The following CHD4 variants were observed in gnomAD, a reference collection of about 807,000 sequenced individuals.
CHD4 encodes the protein ATP-dependent chromatin remodeler CHD4.
In CHD4, 35 loss-of-function variants were observed where a neutral mutation model predicts 235.5. The ratio of observed to expected loss-of-function variants is 0.15; its 90% CI spans 0.11 to 0.20. CHD4 has a LOEUF of 0.20. CHD4 is among the 10% of genes least tolerant of loss of function. CHD4 has a pLI of 1.00. For synonymous variants in CHD4, 900 were observed against 850.2 expected (o/e 1.06, Z -1.02); for missense variants, 1,329 against 2,432.3 (o/e 0.55, Z 9.54).
chr12:6,606,653 C>G (rs997614700), intron 1 of CHD4: 1 of 333,592 alleles, frequency 3.0e-6, no homozygotes, highest in East Asian at 5.5e-5. Context: ...AGCGAGGGAG[C>G]GACGCCTCCG....
intron 3 of CHD4, 50 bp downstream of exon 3, chr12:6,602,326 G>C: frequency 6.2e-7 from 1 of 1,610,314 alleles, no homozygotes; most frequent in Non-Finnish European, 8.5e-7. Context: ...CCTTCTCAGA[G>C]CTCCTCCCTT....
intron 37 of CHD4, 97 bp from the exon 38 acceptor site, chr12:6,573,366 T>C (rs1948012780): frequency 1.9e-6 from 2 of 1,030,266 alleles, no homozygotes; most frequent in South Asian, 2.1e-5. Context: ...TTTCAGATGG[T>C]AATAAGAACC....
intron 19 of CHD4, 126 bp downstream of exon 19, chr12:6,592,267 A>G (rs1223375914): frequency 7.6e-7 from 1 of 1,316,698 alleles, no homozygotes; most frequent in Non-Finnish European, 1.0e-6. Context: ...CCCTAGCATC[A>G]GGTTTCTTCA....
intron 14 of CHD4, 84 bp from the exon 15 acceptor site, chr12:6,594,734 C>G: frequency 8.1e-7 from 1 of 1,237,462 alleles, no homozygotes; most frequent in Admixed American, 2.3e-5. Context: ...CCTCACTAGT[C>G]TTCACGGATC....
chr12:6,572,401 G>C (rs917099252), intron 38 of CHD4, among the ~76,000 whole-genome samples: 9 of 150,880 alleles, frequency 6.0e-5, no homozygotes, highest in Non-Finnish European at 1.2e-4. Context: ...ACTCCAGCCT[G>C]GGCAACAGAG....
chr12:6,600,750 C>A, intron 7 of CHD4, 81 bp from the exon 8 acceptor site: 1 of 1,550,092 alleles, frequency 6.5e-7, no homozygotes, highest in Non-Finnish European at 8.8e-7. Context: ...TACTCTCTCA[C>A]TGGGGACACC....
At chr12:6,591,324 T>C (rs915642264) in intron 22 of CHD4, 142 bp downstream of exon 22, 6 of 658,414 alleles carry the variant, frequency 9.1e-6, no homozygotes, top group South Asian at 1.9e-5. Context: ...ATTCGTCCAA[T>C]TGAGACATTC....
chr12:6,601,878 T>C lies in CHD4; in HGVS notation c.438+82A>G, dbSNP rs1948597662. 3.2e-6 allele frequency: 5 copies of C among 1,563,366 alleles called. No individual in the cohort carries two copies. In the South Asian group the frequency reaches 3.3e-5, roughly 10 times the overall value. On this transcript the variant is annotated intron_variant, in intron 4 of 39. Coordinates refer to ENST00000544040, the MANE Select transcript of CHD4 (RefSeq NM_001273.5). ...GAGTTAAGAGGAAAAGAAGAGAAAG[T>C]GTTCTAAAGGGCAGTAAGGTGTCTA...
chr12:6,578,316 TA>T, intron 35 of CHD4, 92 bp downstream of exon 35: 1 of 1,484,970 alleles, frequency 6.7e-7, no homozygotes, highest in South Asian at 1.2e-5. Context: ...CAAACAGAGG[TA>T]AAGAGGTAAA....
chr12:6,576,300 T>C (rs918669354), intron 37 of CHD4, among the ~76,000 whole-genome samples: 20 of 152,008 alleles, frequency 1.3e-4, no homozygotes, highest in East Asian at 1.9e-4. Flanking sequence ...GAGGTTGCAG[T>C]GAGCAGAGAT....
rs57266458 is a variant in CHD4, at chr12:6,580,704, G to GAAAAAAA, written c.4909+333_4909+339dup. On this transcript the variant is annotated intron_variant, in intron 33 of 39. Transcript: ENST00000544040. ...CCTGGGCAACGAGTAAAACTCCTTTGAAAAAAAAAAAAAAAAAAAAAAAGC... is the reference window on the plus strand; with the variant it reads ...CCTGGGCAACGAGTAAAACTCCTTTGAAAAAAAAAAAAAAAAAAAAAAAAAAAAAAGC... The GAAAAAAA allele has an allele frequency of 2.7e-3, 118 of 43,448 alleles. 12 individuals are homozygous for GAAAAAAA. Among genetic ancestry groups the GAAAAAAA allele is most frequent in the African/African-American group, 0.014 (109 of 7,750 alleles). The allele number at this position is 43,448 out of a possible 1,614,324, so 2.7% of individuals were successfully genotyped here. A position where few individuals can be genotyped will look rare whatever the true frequency, so the allele number is the denominator to read the frequency against.
rs546573776 is a variant in CHD4 at position 6,596,181 on chromosome 12, C to G, written c.1893-44G>C. On this transcript the variant is annotated intron_variant, in intron 12 of 39. Transcript: ENST00000544040. ...AAACCCTCAGAGCCAGAAAAGGCAA[C>G]CCTCCTCACTTCCTCTCAAAAACTG... 143 of 1,607,402 alleles carry G rather than the reference C, an allele frequency of 8.9e-5. 2 individuals are homozygous for G. The South Asian group carries it at 1.4e-3, about 16-fold the overall frequency.
rs150404906 is a variant in CHD4, at chr12:6,602,093, C to T, written c.305G>A (p.Arg102His). ...FVEEEEEVAL[R>H]SDSEGSDYTP... is the part of the protein sequence containing the mutation. ...ATAGTCGCTGCCCTCACTGTCTGAGCGCAGAGCCACCTCTTCCTCCTCCTC... is the reference window on the plus strand; with the variant it reads ...ATAGTCGCTGCCCTCACTGTCTGAGTGCAGAGCCACCTCTTCCTCCTCCTC... Residue 102 changes from arginine to histidine, a missense_variant, in exon 4 of 40, where the codon CGC becomes CAC. This residue lies in a region of CHD4 where 213 missense variants were observed against 177.5 expected (regional missense o/e 1.20). Transcript: ENST00000544040. 62 of 1,613,490 alleles carry T rather than the reference C, an allele frequency of 3.8e-5. No individual in the cohort carries two copies. In the African/African-American group the frequency reaches 6.8e-4, roughly 18 times the overall value.
chr12:6,600,061 G>A (rs368992258), intron 9 of CHD4, 49 bp from the exon 10 acceptor site: 53 of 823,764 alleles, frequency 6.4e-5, no homozygotes, highest in Middle Eastern at 5.4e-4. Flanking sequence ...CCCGCCCACC[G>A]CAGTCTGAAG....
At position 6,601,786 on chromosome 12, in the gene CHD4, A is replaced by C; in HGVS notation, c.439-20T>G. The C allele has an allele frequency of 6.2e-7, 1 of 1,606,904 alleles. No homozygotes were observed. The highest frequency in any genetic ancestry group is 8.5e-7 in the Non-Finnish European group (1 of 1,173,566). ...AGGCTCCTGCAGAAAGAGCAAAGTC[A>C]AGTAAGTACCTGCCACCTAGTGCCC... On this transcript the variant is annotated intron_variant, in intron 4 of 39. Coordinates refer to ENST00000544040, the MANE Select transcript of CHD4 (RefSeq NM_001273.5).
chr12:6,602,569 G>GCTTTAGA, intron 2 of CHD4, 72 bp from the exon 3 acceptor site: 2 of 1,562,650 alleles, frequency 1.3e-6, no homozygotes, highest in Non-Finnish European at 1.7e-6. Context: ...TAATCCAGAG[G>GCTTTAGA]CTTTAGACTT....
At position 6,593,520 on chromosome 12, in the gene CHD4, C is replaced by T. The variant is rs1405192813; in HGVS notation, c.2410G>A (p.Val804Ile). 3.1e-6 allele frequency: 5 copies of T among 1,614,126 alleles called. No individual in the cohort carries two copies. The Admixed American group carries it at 5.0e-5, about 16-fold the overall frequency. Residue 804 changes from valine to isoleucine, a missense_variant, in exon 16 of 40, where the codon GTA becomes ATA. Val to Ile is a conservative substitution (Grantham distance 29). This residue lies in a region of CHD4 where 78 missense variants were observed against 174.8 expected (regional missense o/e 0.45). Coordinates refer to ENST00000544040, the MANE Select transcript of CHD4 (RefSeq NM_001273.5). The surrounding 1 kb of genome is among the most constrained non-coding windows in gnomAD (Gnocchi z 4.9). The part of the protein sequence containing the change: ...FEMWAPDMYV[V>I]TYVGDKDSRA... ...CTGTCCTTGTCACCCACATAGGTTACGACATACATGTCTGGAGCCCACATT... is the reference window on the plus strand; with the variant it reads ...CTGTCCTTGTCACCCACATAGGTTATGACATACATGTCTGGAGCCCACATT...
Position 6,582,765 on chromosome 12 carries a change from C to T in CHD4, c.4237-17G>A, listed in dbSNP as rs1369228142. ...ACCAAGTACCTAGGGGAAGAAGAAACCCAGGTGAGAGGCAGCAGGTCGCAT... is the reference window on the plus strand; with the variant it reads ...ACCAAGTACCTAGGGGAAGAAGAAATCCAGGTGAGAGGCAGCAGGTCGCAT... On this transcript the variant is annotated splice_polypyrimidine_tract_variant and intron_variant, in intron 28 of 39. Transcript: ENST00000544040. 6.2e-7 allele frequency: 1 copy of T among 1,613,958 alleles called. No homozygotes were observed. Among genetic ancestry groups the T allele is most frequent in the African/African-American group, 1.3e-5 (1 of 74,906 alleles).
In CHD4 at chr12:6,578,716, G is replaced by A. The variant is rs757686666; in HGVS notation, c.4981+130C>T. 127 of 1,346,912 alleles carry A rather than the reference G, an allele frequency of 9.4e-5. 2 individuals are homozygous for A. Among genetic ancestry groups the A allele is most frequent in the Non-Finnish European group, 1.3e-4 (120 of 950,542 alleles). 83.4% of individuals were successfully genotyped at this position (1,346,912 alleles called of 1,614,324 possible). On this transcript the variant is annotated intron_variant, in intron 34 of 39. Transcript: ENST00000544040. ...TTGGCCCACTGACAACTAAATGTGG[G>A]GACAGGTACAGTCTTTTATCTTGGG...
Sources: gnomAD v4.1 joint callset for allele counts (sites outside exome capture counted in the v4.1 genomes callset) on GRCh38, gnomAD v4.1.1 for gene constraint, gnomAD v4.1.1 regional missense constraint, Gnocchi (gnomAD v3.1) non-coding constraint, MANE v1.5 for transcripts, NCBI Gene and HGNC (gene_info 2026-07-23, HGNC 2026-07-21) for gene names.